GRM4: variants seen among roughly 807,000 people sequenced by gnomAD.
GRM4 encodes glutamate metabotropic receptor 4, also known as metabotropic glutamate receptor 4.
A neutral mutation model predicts 81.7 loss-of-function variants in GRM4; 28 were observed. The ratio of observed to expected loss-of-function variants is 0.34; its 90% CI spans 0.25 to 0.47. The LOEUF (loss-of-function observed/expected upper bound fraction) is 0.47. Ranked by LOEUF, GRM4 falls within the 20% of genes least tolerant of loss-of-function variation. GRM4 has a pLI of 1.00. For synonymous variants in GRM4, 488 were observed against 528.8 expected (o/e 0.92, Z 1.06); for missense variants, 948 against 1,290.0 (o/e 0.73, Z 4.06).
At chr6:34,154,031 G>C (rs912851942) in intron 1 of GRM4, among the ~76,000 whole-genome samples, 4 of 152,188 alleles carry the variant, frequency 2.6e-5, no homozygotes, top group Admixed American at 6.5e-5. Context: ...CTGTGGGTGC[G>C]GGCTGACCCT....
At chr6:34,025,439 G>A (rs79933334) in intron 10 of GRM4, among the ~76,000 whole-genome samples, 3,446 of 152,204 alleles carry the variant, frequency 0.023, 117 homozygotes, top group African/African-American at 0.075. Flanking sequence ...CAGGGGATGC[G>A]AGCCTGAGGG....
intron 10 of GRM4, chr6:34,024,422 C>A: frequency 3.6e-6 from 1 of 277,880 alleles, no homozygotes; most frequent in Non-Finnish European, 7.3e-6. Context: ...TCCCACCCAC[C>A]CACCATGTCC....
chr6:34,067,374 C>A (rs986558881), intron 3 of GRM4, among the ~76,000 whole-genome samples: 2 of 149,220 alleles, frequency 1.3e-5, no homozygotes, highest in African/African-American at 2.5e-5. Flanking sequence ...CCTTCGCTCC[C>A]TCCCTCCGTC....
At chr6:34,146,371 A>G (rs1290051608), upstream of GRM4, among the ~76,000 whole-genome samples, 1 of 152,176 alleles carries the variant, frequency 6.6e-6, no homozygotes, top group African/African-American at 2.4e-5. Context: ...GTCTCCCTCC[A>G]GCACTGGATG....
At chr6:34,029,902 G>A (rs1341632170) in intron 9 of GRM4, among the ~76,000 whole-genome samples, 2 of 152,228 alleles carry the variant, frequency 1.3e-5, no homozygotes, top group South Asian at 2.1e-4. Flanking sequence ...GAAGGAGGCC[G>A]AGAGTGGCCA....
intron 3 of GRM4, among the ~76,000 whole-genome samples, chr6:34,087,218 A>C (rs1767937459): frequency 6.6e-6 from 1 of 151,708 alleles, no homozygotes; most frequent in Admixed American, 6.6e-5. Flanking sequence ...CAGGGATTCG[A>C]GACCAACCGG....
Position 34,034,937 on chromosome 6 carries a change from C to T in GRM4, c.2442+731G>A, listed in dbSNP as rs1764613601. Among the ~76,000 whole-genome samples the T allele has an allele frequency of 6.6e-6, 1 of 152,200 alleles. No individual in the cohort carries two copies. The highest frequency in any genetic ancestry group is 1.5e-5 in the Non-Finnish European group (1 of 68,046). ...GCATACAGGTCTCTTGGGGTGTGCCCAGGTCCTCGGACCAAGCCAACAGGA... is the reference window on the plus strand; with the variant it reads ...GCATACAGGTCTCTTGGGGTGTGCCTAGGTCCTCGGACCAAGCCAACAGGA... On this transcript the variant is annotated intron_variant, in intron 9 of 10. Coordinates refer to ENST00000538487, the MANE Select transcript of GRM4 (RefSeq NM_000841.4). The surrounding 1 kb of genome is among the most constrained non-coding windows in gnomAD (Gnocchi z 4.0).
intron 10 of GRM4, among the ~76,000 whole-genome samples, chr6:34,027,558 C>G (rs941037578): frequency 4.6e-5 from 7 of 152,220 alleles, no homozygotes; most frequent in African/African-American, 1.7e-4. Flanking sequence ...GCCCATGTCC[C>G]GGGTCCCCAT....
At chr6:34,137,281 AGG>A (rs1328149256) in intron 1 of GRM4, among the ~76,000 whole-genome samples, 2 of 151,912 alleles carry the variant, frequency 1.3e-5, no homozygotes, top group Non-Finnish European at 2.9e-5. Context: ...CCTTGGTTCC[AGG>A]GGAGGACAGA....
rs1476800893 is a variant in GRM4, at chr6:34,114,762, C to A, written c.519+18216G>T. 2.0e-5 allele frequency among the ~76,000 whole-genome samples: 3 copies of A among 152,122 alleles called. No individual in the cohort carries two copies. The highest frequency in any genetic ancestry group is 7.2e-5 in the African/African-American group (3 of 41,416). On this transcript the variant is annotated intron_variant, in intron 2 of 10. Coordinates refer to ENST00000538487, the MANE Select transcript of GRM4 (RefSeq NM_000841.4). The surrounding 1 kb of genome is among the most constrained non-coding windows in gnomAD (Gnocchi z 4.3). ...TGAGCCCCTAGACCCTCACCTGTAC[C>A]CCCTCACAGCCCTCCCATACCCCAG...
chr6:34,087,799 TACAC>T (rs71000022), intron 3 of GRM4, among the ~76,000 whole-genome samples: 1,179 of 88,392 alleles, frequency 0.013, 20 homozygotes, highest in South Asian at 0.023. Flanking sequence ...CATGCACCCC[TACAC>T]ACACACACAC....
In GRM4 at chr6:34,111,425, T is replaced by G. The variant is rs1581709150; in HGVS notation, c.520-19326A>C. Among the ~76,000 whole-genome samples, 1 of 151,090 alleles carries G rather than the reference T, an allele frequency of 6.6e-6. No individual in the cohort carries two copies. Among genetic ancestry groups the G allele is most frequent in the South Asian group, 2.1e-4 (1 of 4,730 alleles). On this transcript the variant is annotated intron_variant, in intron 2 of 10. Transcript: ENST00000538487. This position sits in a 1 kb window ranked among gnomAD's most constrained non-coding sequence, Gnocchi z 5.1. Reference sequence around the variant, plus strand: ...ACACACACACACAAACACACACACATAGAGTCAGCACTGGTGGAGGCAGCA... The same window carrying G: ...ACACACACACACAAACACACACACAGAGAGTCAGCACTGGTGGAGGCAGCA...
At chr6:34,123,389 G>A (rs1365418563) in intron 2 of GRM4, among the ~76,000 whole-genome samples, 5 of 152,206 alleles carry the variant, frequency 3.3e-5, no homozygotes, top group South Asian at 2.1e-4. Flanking sequence ...CCCCTCGAAC[G>A]CCCCTTAGAT....
intron 2 of GRM4, among the ~76,000 whole-genome samples, chr6:34,095,586 G>A (rs1347706193): frequency 2.6e-5 from 4 of 152,188 alleles, no homozygotes; most frequent in South Asian, 2.1e-4. Context: ...CCTGGCAGGC[G>A]GTAAGCACTA....
chr6:34,091,834 G>A (rs760121538), intron 3 of GRM4, 49 bp downstream of exon 3: 59 of 1,387,946 alleles, frequency 4.3e-5, no homozygotes, highest in South Asian at 1.4e-4. Context: ...TCACTGTGCC[G>A]GGACACCCCC....
At chr6:34,032,496 G>A (rs2127439810) in intron 9 of GRM4, among the ~76,000 whole-genome samples, 1 of 152,356 alleles carries the variant, frequency 6.6e-6, no homozygotes, top group Non-Finnish European at 1.5e-5. Context: ...TGAACCGCAG[G>A]AACTTCAGAA....
chr6:34,119,421 G>C (rs1769715343), intron 2 of GRM4, among the ~76,000 whole-genome samples: 1 of 152,192 alleles, frequency 6.6e-6, no homozygotes, highest in African/African-American at 2.4e-5. Context: ...GAGGGAGTGA[G>C]TGAGGAAGTC....
chr6:34,099,423 G>A (rs1768711478), intron 2 of GRM4, among the ~76,000 whole-genome samples: 1 of 152,178 alleles, frequency 6.6e-6, no homozygotes, highest in African/African-American at 2.4e-5. Context: ...GGGGCTTCGG[G>A]GTGGAGGGGA....
At position 34,133,809 on chromosome 6, in the gene GRM4, CG is replaced by C; in HGVS notation, c.-314del. ...AAAGGGCAGAATGCTCCTAGCTTGGCGTATCTTGGCATCAAGGAGAAAACAG... is the reference window on the plus strand; with the variant it reads ...AAAGGGCAGAATGCTCCTAGCTTGGCTATCTTGGCATCAAGGAGAAAACAG... On this transcript the variant is annotated 5_prime_UTR_variant, in exon 2 of 11. An upstream open reading frame in the 5' UTR loses its in-frame stop. Coordinates refer to ENST00000538487, the MANE Select transcript of GRM4 (RefSeq NM_000841.4). This position sits in a 1 kb window ranked among gnomAD's most constrained non-coding sequence, Gnocchi z 6.5. The C allele has an allele frequency of 1.7e-6, 2 of 1,142,986 alleles. No homozygotes were observed. The highest frequency in any genetic ancestry group is 2.1e-6 in the Non-Finnish European group (2 of 931,396). 70.8% of individuals were successfully genotyped at this position (1,142,986 alleles called of 1,614,324 possible).
Sources: gnomAD v4.1 joint callset for allele counts (sites outside exome capture counted in the v4.1 genomes callset) on GRCh38, gnomAD v4.1.1 for gene constraint, Gnocchi (gnomAD v3.1) non-coding constraint, MANE v1.5 for transcripts, NCBI Gene and HGNC (gene_info 2026-07-23, HGNC 2026-07-21) for gene names.